The following PRKCA variants were observed in gnomAD, a reference collection of about 807,000 sequenced individuals.
PRKCA encodes the protein protein kinase C alpha type.
In PRKCA, 27 loss-of-function variants were observed where a neutral mutation model predicts 87.0. The ratio of observed to expected loss-of-function variants is 0.31; its 90% CI spans 0.23 to 0.43. The LOEUF is 0.43. Among genes scored for constraint, PRKCA ranks in the 20% least tolerant of loss-of-function variants. The probability of loss-of-function intolerance (pLI) is 1.00; values close to 1 mark genes in which losing one functional copy is unlikely to be tolerated. For missense variants in PRKCA, 518 were observed against 852.3 expected (o/e 0.61, Z 4.88); for synonymous variants, 329 against 311.1 (o/e 1.06, Z -0.61).
intron 3 of PRKCA, among the ~76,000 whole-genome samples, chr17:66,595,065 A>G (rs1449527334): frequency 6.6e-6 from 1 of 152,206 alleles, no homozygotes; most frequent in Non-Finnish European, 1.5e-5. Context: ...GCTGGTGTTC[A>G]GCAGTCTTTG....
intron 2 of PRKCA, among the ~76,000 whole-genome samples, chr17:66,392,099 GAGCGCCTGT>G (rs2143641527): frequency 1.3e-5 from 2 of 152,142 alleles, no homozygotes; most frequent in South Asian, 4.1e-4. Flanking sequence ...GTGTGATGGC[GAGCGCCTGT>G]AGTCCCAGCT....
In PRKCA at chr17:66,767,821, G is replaced by A. The variant is rs182230930; in HGVS notation, c.1525-6166G>A. Among the ~76,000 whole-genome samples the A allele has an allele frequency of 1.9e-3, 293 of 152,300 alleles. 1 individual carries two copies. Among genetic ancestry groups the A allele is most frequent in the Non-Finnish European group, 2.9e-3 (197 of 68,030 alleles). The stretch of plus-strand genomic sequence containing the variant: ...GAACTAGTCATGTGGCTCCAAAGCA[G>A]AGGAGATTATGAAATGTAGGGGAGC... On this transcript the variant is annotated intron_variant, in intron 13 of 16. Coordinates refer to ENST00000413366, the MANE Select transcript of PRKCA (RefSeq NM_002737.3).
chr17:66,493,297 T>TTGTGTGTGTGTGTGTG (rs61513917), intron 2 of PRKCA, among the ~76,000 whole-genome samples: 11 of 143,178 alleles, frequency 7.7e-5, no homozygotes, highest in African/African-American at 2.8e-4. Context: ...GTAGGTATAT[T>TTGTGTGTGTGTGTGTG]TGTGTGTGTG....
chr17:66,686,577 C>T (rs1972633338), intron 5 of PRKCA, among the ~76,000 whole-genome samples: 1 of 152,160 alleles, frequency 6.6e-6, no homozygotes, highest in South Asian at 2.1e-4. Flanking sequence ...GAATTTTTAA[C>T]TCCCCCATTC....
intron 2 of PRKCA, among the ~76,000 whole-genome samples, chr17:66,446,427 T>C (rs1053579518): frequency 1.3e-5 from 2 of 152,188 alleles, no homozygotes; most frequent in Admixed American, 6.5e-5. Context: ...TTGGCCTTGC[T>C]CAAGAAATAT....
rs1976034585 is a variant in PRKCA at position 66,806,502 on chromosome 17, G to C, written c.*2465G>C. 1 of 152,234 alleles carries C rather than the reference G, an allele frequency of 6.6e-6. No individual in the cohort carries two copies. The highest frequency in any genetic ancestry group is 1.5e-5 in the Non-Finnish European group (1 of 68,126). 9.4% of individuals were successfully genotyped at this position (152,234 alleles called of 1,614,324 possible). On this transcript the variant is annotated 3_prime_UTR_variant, in exon 17 of 17. Transcript: ENST00000413366. ...CTCCTCCTTTGATCCGAGGGGAAAGGGACTGGTTTATAGAAAGAGCCTAGG... is the reference window on the plus strand; with the variant it reads ...CTCCTCCTTTGATCCGAGGGGAAAGCGACTGGTTTATAGAAAGAGCCTAGG...
intron 3 of PRKCA, among the ~76,000 whole-genome samples, chr17:66,534,973 C>T (rs1002714142): frequency 2.6e-5 from 4 of 152,168 alleles, no homozygotes; most frequent in Non-Finnish European, 5.9e-5. Context: ...TTTACTTACA[C>T]CGCCACCACC....
intron 3 of PRKCA, among the ~76,000 whole-genome samples, chr17:66,614,223 C>T (rs2143656724): frequency 6.6e-6 from 1 of 152,282 alleles, no homozygotes; most frequent in South Asian, 2.1e-4. Flanking sequence ...AACCTGGCCA[C>T]TCCATTTTTG....
rs190197486 is a variant in PRKCA at position 66,428,362 on chromosome 17, A to G, written c.206-67839A>G. On this transcript the variant is annotated intron_variant, in intron 2 of 16. Coordinates refer to ENST00000413366, the MANE Select transcript of PRKCA (RefSeq NM_002737.3). Reference sequence around the variant, plus strand: ...AGGTGAGATGTCAAAGGAAGACAGCATGAACCAAAGATGATTTATTTGATC... The same window carrying G: ...AGGTGAGATGTCAAAGGAAGACAGCGTGAACCAAAGATGATTTATTTGATC... 5.6e-4 allele frequency among the ~76,000 whole-genome samples: 85 copies of G among 152,350 alleles called. 1 individual carries two copies. Among genetic ancestry groups the G allele is most frequent in the African/African-American group, 1.8e-3 (76 of 41,578 alleles).
At chr17:66,604,345 G>A (rs1477612512) in intron 3 of PRKCA, among the ~76,000 whole-genome samples, 1 of 152,168 alleles carries the variant, frequency 6.6e-6, no homozygotes, top group African/African-American at 2.4e-5. Context: ...TATTGCGGGA[G>A]TCAGTTTCTA....
intron 3 of PRKCA, among the ~76,000 whole-genome samples, chr17:66,570,878 T>C (rs1969061359): frequency 6.6e-6 from 1 of 152,198 alleles, no homozygotes; most frequent in Non-Finnish European, 1.5e-5. Flanking sequence ...AGTCCTGACC[T>C]GGAGCATGTC....
intron 5 of PRKCA, among the ~76,000 whole-genome samples, chr17:66,670,527 G>A (rs1012719226): frequency 5.3e-5 from 8 of 152,076 alleles, no homozygotes; most frequent in African/African-American, 1.7e-4. Context: ...AATGTTTTGG[G>A]GTGAATCTTG....
intron 2 of PRKCA, chr17:66,415,394 G>A (rs1912077845): frequency 6.6e-6 from 1 of 152,146 alleles, no homozygotes; most frequent in South Asian, 2.1e-4. Flanking sequence ...AATTTTCAAA[G>A]TGATCAGTGA....
chr17:66,787,079 C>T (rs759335275), intron 15 of PRKCA, 105 bp downstream of exon 15: 4 of 931,262 alleles, frequency 4.3e-6, no homozygotes, highest in South Asian at 1.3e-5. Context: ...CACAAACCCA[C>T]ACCACTGCAT....
In PRKCA at chr17:66,807,798, C is replaced by G. The variant is rs573235843; in HGVS notation, c.*3761C>G. 1.3e-5 allele frequency: 2 copies of G among 152,356 alleles called. No homozygotes were observed. The highest frequency in any genetic ancestry group is 2.1e-4 in the South Asian group (1 of 4,818). 9.4% of individuals were successfully genotyped at this position (152,356 alleles called of 1,614,324 possible). ...AGGATGCAGACTTCCAGAGAGCCCC[C>G]CCAACGGACGTGCTGAGAAGGGAGA... On this transcript the variant is annotated 3_prime_UTR_variant, in exon 17 of 17. Coordinates refer to ENST00000413366, the MANE Select transcript of PRKCA (RefSeq NM_002737.3). The surrounding 1 kb of genome is among the most constrained non-coding windows in gnomAD (Gnocchi z 4.3).
intron 5 of PRKCA, among the ~76,000 whole-genome samples, chr17:66,646,372 C>T (rs902847421): frequency 3.9e-5 from 6 of 152,140 alleles, no homozygotes; most frequent in African/African-American, 1.2e-4. Context: ...CATCCCGTGT[C>T]CTCAAGATGG....
chr17:66,352,565 T>G (rs1025184850), intron 2 of PRKCA, among the ~76,000 whole-genome samples: 2 of 133,334 alleles, frequency 1.5e-5, no homozygotes, highest in Non-Finnish European at 3.2e-5. Context: ...GAGGTTTTTT[T>G]TTTTTTTTTT....
chr17:66,308,097 G>C (rs1328392145), intron 2 of PRKCA, among the ~76,000 whole-genome samples: 1 of 152,134 alleles, frequency 6.6e-6, no homozygotes, highest in Non-Finnish European at 1.5e-5. Flanking sequence ...GGGGTATTTT[G>C]TAATTCGTTC....
chr17:66,775,717 CAT>C (rs1383309017), intron 14 of PRKCA: 2 of 985,324 alleles, frequency 2.0e-6, no homozygotes, highest in Non-Finnish European at 2.4e-6. Context: ...TCCCTTCCCA[CAT>C]GTTACGTCCA....
Sources: allele counts gnomAD v4.1 joint callset (sites outside exome capture counted in the v4.1 genomes callset), GRCh38; gene constraint gnomAD v4.1.1; non-coding constraint Gnocchi (gnomAD v3.1); transcripts MANE v1.5; gene names NCBI Gene and HGNC (gene_info 2026-07-23, HGNC 2026-07-21).